Variants in CDKL1 observed in about 807,000 individuals in gnomAD.
The protein encoded by CDKL1 is cyclin-dependent kinase-like 1.
CDKL1 carries 41 observed loss-of-function variants against 42.0 expected under a neutral mutation model. That is an observed-to-expected ratio of 0.98 (90% confidence interval 0.76 to 1.27). CDKL1 has a LOEUF of 1.27. Ranked by LOEUF, CDKL1 falls within the 50% of genes most tolerant of loss-of-function variation. The pLI is 0.00. For synonymous variants in CDKL1, 153 were observed against 158.6 expected, an observed-to-expected ratio of 0.96 and a Z score of 0.26; for missense variants, 394 against 428.4, an observed-to-expected ratio of 0.92 and a Z score of 0.71.
intron 2 of CDKL1, among the ~76,000 whole-genome samples, chr14:50,381,243 T>C (rs1254243975): frequency 3.3e-5 from 5 of 152,158 alleles, no homozygotes; most frequent in African/African-American, 9.7e-5. Context: ...TGGCATGTCA[T>C]TGGGACTTGG....
chr14:50,360,622 G>A (rs960426092), intron 2 of CDKL1, among the ~76,000 whole-genome samples: 8 of 151,252 alleles, frequency 5.3e-5, no homozygotes, highest in Non-Finnish European at 8.9e-5. Context: ...TGGTCAGGCT[G>A]GTCTCGAACT....
Position 50,387,206 on chromosome 14 carries a change from T to TAAA in CDKL1, c.168+8492_168+8494dup, listed in dbSNP as rs34024517. On this transcript the variant is annotated intron_variant, in intron 2 of 9. Transcript: ENST00000395834. ...TGGGCAACAGACTGAGACCCTGTCT[T>TAAA]AAAAAAAAAAAAAAAATGGGGGTGG... is the stretch of plus-strand genomic sequence containing the variant. Among the ~76,000 whole-genome samples, 116 of 80,604 alleles carry TAAA rather than the reference T, an allele frequency of 1.4e-3. 3 individuals are homozygous for TAAA. Among genetic ancestry groups the TAAA allele is most frequent in the East Asian group, 3.0e-3 (9 of 3,040 alleles). 52.9% of individuals were successfully genotyped at this position (80,604 alleles called of 152,430 possible). A position where few individuals can be genotyped will look rare whatever the true frequency, so the allele number is the denominator to read the frequency against.
intron 7 of CDKL1, 24 bp downstream of exon 7, chr14:50,338,923 C>T (rs776027247): frequency 1.2e-5 from 17 of 1,472,582 alleles, no homozygotes; most frequent in Admixed American, 3.3e-5. Flanking sequence ...GCCTACAGAG[C>T]TCTCTCCAAA....
intron 7 of CDKL1, chr14:50,335,605 A>G: frequency 6.5e-7 from 1 of 1,534,376 alleles, no homozygotes; most frequent in Non-Finnish European, 8.7e-7. Context: ...CAAACAGGCC[A>G]GTTAAAGAGA....
intron 2 of CDKL1, among the ~76,000 whole-genome samples, chr14:50,359,563 T>C (rs528474189): frequency 3.9e-5 from 6 of 151,976 alleles, no homozygotes; most frequent in Non-Finnish European, 2.9e-5. Context: ...AATTAATAAA[T>C]AATATGTAAT....
At chr14:50,392,413 T>A (rs1476239059) in intron 2 of CDKL1, among the ~76,000 whole-genome samples, 2 of 151,204 alleles carry the variant, frequency 1.3e-5, no homozygotes, top group Non-Finnish European at 2.9e-5. Flanking sequence ...GCCACTGCAC[T>A]CCAGCCTGGG....
At chr14:50,332,164 TGAG>T (rs1170853670) in intron 9 of CDKL1, 95 bp downstream of exon 9, 11 of 1,613,744 alleles carry the variant, frequency 6.8e-6, no homozygotes, top group Non-Finnish European at 9.3e-6. Flanking sequence ...AGTGCTGGAA[TGAG>T]GATGCTGGAG....
intron 2 of CDKL1, among the ~76,000 whole-genome samples, chr14:50,373,715 C>T (rs2034650823): frequency 1.3e-5 from 2 of 152,150 alleles, no homozygotes; most frequent in South Asian, 2.1e-4. Context: ...ATTACAACCA[C>T]AATGAGATAC....
intron 2 of CDKL1, chr14:50,362,350 T>G: frequency 3.2e-6 from 1 of 311,208 alleles, no homozygotes; most frequent in South Asian, 2.4e-5. Context: ...TGAGGCCAGC[T>G]GGGCTCCTGA....
At chr14:50,393,335 G>A (rs998192374) in intron 2 of CDKL1, among the ~76,000 whole-genome samples, 1 of 152,202 alleles carries the variant, frequency 6.6e-6, no homozygotes, top group Non-Finnish European at 1.5e-5. Context: ...CTGAGCTTCT[G>A]AAAGACAGGG....
At chr14:50,332,903 C>CTTTTT (rs35560184) in intron 8 of CDKL1, 312 of 262,998 alleles carry the variant, frequency 1.2e-3, no homozygotes, top group Middle Eastern at 9.8e-3. Flanking sequence ...AAATCAGCTA[C>CTTTTT]TTTTTTTTTT....
At chr14:50,375,032 C>A (rs1419219182) in intron 2 of CDKL1, among the ~76,000 whole-genome samples, 1 of 152,006 alleles carries the variant, frequency 6.6e-6, no homozygotes, top group African/African-American at 2.4e-5. Flanking sequence ...TGCAGCAAAC[C>A]ACTGTGGTAC....
intron 2 of CDKL1, among the ~76,000 whole-genome samples, chr14:50,385,112 C>T (rs1258651474): frequency 8.1e-6 from 1 of 122,744 alleles, no homozygotes; most frequent in Non-Finnish European, 1.7e-5. Context: ...AAAAAAAGAA[C>T]CATTGGGTGA....
chr14:50,377,284 T>G (rs2034760053), intron 2 of CDKL1, among the ~76,000 whole-genome samples: 1 of 152,144 alleles, frequency 6.6e-6, no homozygotes, highest in African/African-American at 2.4e-5. Context: ...TTGCAGGAGT[T>G]AACACTCCAT....
At chr14:50,340,130 TAGAGGAAACAC>T (rs1337995788) in intron 6 of CDKL1, among the ~76,000 whole-genome samples, 3 of 152,118 alleles carry the variant, frequency 2.0e-5, no homozygotes, top group African/African-American at 7.2e-5. Context: ...CTAAAATCAC[TAGAGGAAACAC>T]AGCCAAGAAA....
In CDKL1 at chr14:50,365,781, G is replaced by A. The variant is rs190838431; in HGVS notation, c.169-6632C>T. Among the ~76,000 whole-genome samples, 685 of 152,298 alleles carry A rather than the reference G, an allele frequency of 4.5e-3. 4 individuals are homozygous for A. The highest frequency in any genetic ancestry group is 0.016 in the African/African-American group (653 of 41,560). ...AGACAGACCCACCCTCAATCTGGAC[G>A]GGCACCATCTAATCAGCTGCCAGCA... On this transcript the variant is annotated intron_variant, in intron 2 of 9. Transcript: ENST00000395834.
intron 7 of CDKL1, among the ~76,000 whole-genome samples, chr14:50,338,562 G>A (rs1386283938): frequency 6.6e-6 from 1 of 152,088 alleles, no homozygotes; most frequent in African/African-American, 2.4e-5. Context: ...TTTTCCCATG[G>A]TCTGGAGACC....
intron 2 of CDKL1, among the ~76,000 whole-genome samples, chr14:50,386,237 G>A (rs1595373060): frequency 1.3e-5 from 2 of 152,172 alleles, no homozygotes; most frequent in South Asian, 2.1e-4. Context: ...TTTGAGACCA[G>A]CCCGGGCAAC....
rs765690338 is a variant in CDKL1 at position 50,334,623 on chromosome 14, T to C, written c.739-2A>G. ...TGGGAATTTTAATTCAAGTGGTTCC[T>C]GTTGAAAAGAAAAGAGGTTTTTAAT... On this transcript the variant is annotated splice_acceptor_variant, in intron 7 of 9. Coordinates refer to ENST00000395834, the MANE Select transcript of CDKL1 (RefSeq NM_004196.7). LOFTEE classifies it high-confidence loss of function. 1.9e-5 allele frequency: 30 copies of C among 1,575,966 alleles called. No individual in the cohort carries two copies. Among genetic ancestry groups the C allele is most frequent in the Admixed American group, 5.0e-5 (3 of 59,934 alleles).
Sources: gnomAD v4.1 joint callset for allele counts (sites outside exome capture counted in the v4.1 genomes callset) on GRCh38, gnomAD v4.1.1 for gene constraint, MANE v1.5 for transcripts, NCBI Gene and HGNC (gene_info 2026-07-23, HGNC 2026-07-21) for gene names.